SEMA3D: variants seen among roughly 807,000 people sequenced by gnomAD.
The protein encoded by SEMA3D is semaphorin-3D.
Under a neutral mutation model 100.1 loss-of-function variants are expected in SEMA3D, and 84 were observed. That is an observed-to-expected ratio of 0.84 (90% CI 0.70 to 1.01). The LOEUF is 1.01. Among genes scored for constraint, SEMA3D ranks in the 50% least tolerant of loss-of-function variants. The pLI, the probability that SEMA3D is intolerant of heterozygous loss-of-function variation, is 0.00. For synonymous variants in SEMA3D, 312 were observed against 320.7 expected (o/e 0.97, Z 0.29); for missense variants, 875 against 934.1 (o/e 0.94, Z 0.82).
chr7:85,222,854 A>ATTATT, the SEMA3D span, among the ~76,000 whole-genome samples: 1 of 152,116 alleles, frequency 6.6e-6, no homozygotes, highest in Non-Finnish European at 1.5e-5. Flanking sequence ...TCTCTTGAAA[A>ATTATT]TTATTTAAGT....
intron 1 of SEMA3D, among the ~76,000 whole-genome samples, chr7:85,184,196 C>T (rs892762345): frequency 2.6e-5 from 4 of 152,148 alleles, no homozygotes; most frequent in Non-Finnish European, 5.9e-5. Flanking sequence ...GATACAGCAT[C>T]ATAACTGACC....
chr7:85,222,056 C>T, the SEMA3D span, among the ~76,000 whole-genome samples: 1 of 152,038 alleles, frequency 6.6e-6, no homozygotes, highest in Non-Finnish European at 1.5e-5. Context: ...AAGATGTGTA[C>T]ATTACTAGAC....
rs112534818 is a variant in SEMA3D at position 85,157,450 on chromosome 7, T to C, written c.-172-3711A>G. Among the ~76,000 whole-genome samples, 1,171 of 152,240 alleles carry C rather than the reference T, an allele frequency of 7.7e-3. 14 individuals are homozygous for C. The highest frequency in any genetic ancestry group is 0.027 in the African/African-American group (1,117 of 41,558). On this transcript the variant is annotated intron_variant, in intron 1 of 18. Transcript: ENST00000284136. ...TTTGGTATGCTTAACCAGCTCCCCATTGTACATTTTATGTGTCTTTTCTTC... is the reference window on the plus strand; with the variant it reads ...TTTGGTATGCTTAACCAGCTCCCCACTGTACATTTTATGTGTCTTTTCTTC...
intron 9 of SEMA3D, among the ~76,000 whole-genome samples, chr7:85,049,774 C>A (rs537167781): frequency 6.6e-6 from 1 of 151,782 alleles, no homozygotes; most frequent in Non-Finnish European, 1.5e-5. Context: ...ATAGACAATG[C>A]AAGTGGAATT....
chr7:85,022,031 A>C (rs1790269598), intron 13 of SEMA3D, among the ~76,000 whole-genome samples: 1 of 151,862 alleles, frequency 6.6e-6, no homozygotes, highest in Non-Finnish European at 1.5e-5. Context: ...TCTCAAAATC[A>C]GGTGAAGGAA....
chr7:85,019,613 T>A (rs761273391), intron 14 of SEMA3D, among the ~76,000 whole-genome samples: 9 of 151,680 alleles, frequency 5.9e-5, no homozygotes, highest in Non-Finnish European at 1.2e-4. Flanking sequence ...AAAAAAGTAT[T>A]TCAAATGTTA....
chr7:85,065,595 C>A (rs2116144657), intron 7 of SEMA3D, 43 bp from the exon 8 acceptor site: 3 of 1,530,226 alleles, frequency 2.0e-6, no homozygotes, highest in Non-Finnish European at 1.8e-6. Context: ...AAGAGTACAG[C>A]AGTAGATGCT....
chr7:85,055,806 C>A lies in SEMA3D; in HGVS notation c.772G>T (p.Asp258Tyr). ...TCACGAAAGAAGAAATATATTTTAT[C>A]ATCATCTGGATTGTAGGTGTCTGGT... is the stretch of plus-strand genomic sequence containing the variant. ...FIPDTYNPDDDKIYFFFRESS... is the reference protein window; with the variant it reads ...FIPDTYNPDDYKIYFFFRESS... Residue 258 changes from aspartate to tyrosine, a missense_variant, in exon 9 of 19, where the codon GAT becomes TAT. Asp to Tyr is a radical substitution (Grantham distance 160, BLOSUM62 -3). Transcript: ENST00000284136. The A allele has an allele frequency of 6.4e-7, 1 of 1,574,762 alleles. No homozygotes were observed. Among genetic ancestry groups the A allele is most frequent in the South Asian group, 1.1e-5 (1 of 88,948 alleles).
chr7:85,089,607 C>T (rs146790024), intron 4 of SEMA3D, among the ~76,000 whole-genome samples: 81 of 152,204 alleles, frequency 5.3e-4, no homozygotes, highest in African/African-American at 1.8e-3. Flanking sequence ...AGGCCGGGTG[C>T]CATGGCTCAT....
intron 3 of SEMA3D, 49 bp downstream of exon 3, chr7:85,121,692 G>T: frequency 9.5e-7 from 1 of 1,051,670 alleles, no homozygotes; most frequent in Non-Finnish European, 1.4e-6. Context: ...AATCAAAAAA[G>T]ACATTTCAAA....
chr7:85,237,695 C>T, the SEMA3D span, among the ~76,000 whole-genome samples: 1 of 152,156 alleles, frequency 6.6e-6, no homozygotes, highest in Non-Finnish European at 1.5e-5. Flanking sequence ...TGAAGGCCTT[C>T]TTGGTTGCAT....
chr7:85,213,554 G>A, the SEMA3D span, among the ~76,000 whole-genome samples: 2 of 151,868 alleles, frequency 1.3e-5, no homozygotes, highest in African/African-American at 4.8e-5. Flanking sequence ...TATCTCCAGG[G>A]AATGATTTTC....
Position 85,153,614 on chromosome 7 carries a change from A to G in SEMA3D, c.-47T>C, listed in dbSNP as rs1790498134. 6.6e-6 allele frequency: 1 copy of G among 152,046 alleles called. No homozygotes were observed. Among genetic ancestry groups the G allele is most frequent in the Non-Finnish European group, 1.5e-5 (1 of 68,028 alleles). The allele number at this position is 152,046 out of a possible 1,614,324, so 9.4% of individuals were successfully genotyped here. On this transcript the variant is annotated 5_prime_UTR_variant, in exon 2 of 19. Transcript: ENST00000284136. ...ATTTAAGAGATTGGCTCACATAATT[A>G]TTGAGGCTGATGAGTCCCAAGATCT...
At position 85,015,176 on chromosome 7, in the gene SEMA3D, A is replaced by G; in HGVS notation, c.1586T>C (p.Leu529Pro). ...YIGSRDGLVQLSLHRCDTYGK... is the reference protein window; with the variant it reads ...YIGSRDGLVQPSLHRCDTYGK... ...ATAAGTGTCGCATCTGTGCAAGGAG[A>G]GCTGAACCAATCCATCTCGGGAACC... The change falls in exon 16 of 19, where the codon CTC (leucine) becomes CCC (proline). Residue 529 changes from leucine (L) to proline (P), a missense_variant. Coordinates refer to ENST00000284136, the MANE Select transcript of SEMA3D (RefSeq NM_001384900.1). 1 of 1,611,340 alleles carries G rather than the reference A, an allele frequency of 6.2e-7. No individual in the cohort carries two copies. The highest frequency in any genetic ancestry group is 8.5e-7 in the Non-Finnish European group (1 of 1,178,154).
rs892159997 is a variant in SEMA3D at position 85,167,368 on chromosome 7, G to A, written c.-172-13629C>T. 5.1e-6 allele frequency: 5 copies of A among 983,872 alleles called. No individual in the cohort carries two copies. The African/African-American group carries it at 8.7e-5, about 17-fold the overall frequency. 60.9% of individuals were successfully genotyped at this position (983,872 alleles called of 1,614,324 possible). A position where few individuals can be genotyped will look rare whatever the true frequency, so the allele number is the denominator to read the frequency against. On this transcript the variant is annotated intron_variant, in intron 1 of 18. Coordinates refer to ENST00000284136, the MANE Select transcript of SEMA3D (RefSeq NM_001384900.1). ...CATAAAGCATTTCAACGGGAATGAA[G>A]GAAAGTAATGAGAAAGCTAGAAGGA...
chr7:85,137,976 G>A (rs891840807), intron 2 of SEMA3D, among the ~76,000 whole-genome samples: 1 of 151,990 alleles, frequency 6.6e-6, no homozygotes, highest in African/African-American at 2.4e-5. Flanking sequence ...CAACTACATC[G>A]ACTTACAGTC....
chr7:85,082,006 T>C (rs1788078541), intron 4 of SEMA3D, among the ~76,000 whole-genome samples: 1 of 152,184 alleles, frequency 6.6e-6, no homozygotes, highest in Non-Finnish European at 1.5e-5. Flanking sequence ...ATAACTTCTT[T>C]CTCCAAGCCA....
chr7:85,083,718 G>A (rs1481805538), intron 4 of SEMA3D, among the ~76,000 whole-genome samples: 2 of 151,708 alleles, frequency 1.3e-5, no homozygotes, highest in Admixed American at 1.3e-4. Context: ...GTGGTGGCGG[G>A]CGCCTGTAGT....
At chr7:85,218,597 T>A in the SEMA3D span, among the ~76,000 whole-genome samples, 2 of 152,240 alleles carry the variant, frequency 1.3e-5, no homozygotes, top group Non-Finnish European at 2.9e-5. Flanking sequence ...GTCTGTTTTA[T>A]TTGTGTTTGC....
Sources: allele counts gnomAD v4.1 joint callset (sites outside exome capture counted in the v4.1 genomes callset), GRCh38; gene constraint gnomAD v4.1.1; transcripts MANE v1.5; gene names NCBI Gene and HGNC (gene_info 2026-07-23, HGNC 2026-07-21).